The following KCNIP4 variants were observed in gnomAD, a reference collection of about 807,000 sequenced individuals.
The protein encoded by KCNIP4 is potassium voltage-gated channel interacting protein 4.
In KCNIP4, 12 loss-of-function variants were observed where a neutral mutation model predicts 34.0. The ratio of observed to expected loss-of-function variants is 0.35; its 90% CI spans 0.23 to 0.57. The LOEUF (loss-of-function observed/expected upper bound fraction) is 0.57. Ranked by LOEUF, KCNIP4 falls within the 20% of genes least tolerant of loss-of-function variation. The pLI, the probability that KCNIP4 is intolerant of heterozygous loss-of-function variation, is 0.83. For synonymous variants in KCNIP4, 124 were observed against 102.2 expected (o/e 1.21, Z -1.29); for missense variants, 238 against 311.7 (o/e 0.76, Z 1.78).
At chr4:21,933,828 C>T (rs114662742) in intron 1 of KCNIP4, among the ~76,000 whole-genome samples, 3,258 of 152,150 alleles carry the variant, frequency 0.021, 126 homozygotes, top group African/African-American at 0.074. Flanking sequence ...TATTTGACTG[C>T]TGTTTTATCA....
At chr4:20,738,992 A>G (rs1169818843) in intron 5 of KCNIP4, among the ~76,000 whole-genome samples, 1 of 152,186 alleles carries the variant, frequency 6.6e-6, no homozygotes, top group African/African-American at 2.4e-5. Flanking sequence ...GCTCACTGCT[A>G]TCACAGAAGT....
chr4:21,847,108 C>T (rs1388874733), intron 1 of KCNIP4: 1 of 152,134 alleles, frequency 6.6e-6, no homozygotes, highest in Non-Finnish European at 1.5e-5. Context: ...GCAAAATCCA[C>T]AGGTCCTGAT....
chr4:20,786,619 G>A (rs1252508352), intron 3 of KCNIP4, among the ~76,000 whole-genome samples: 5 of 151,918 alleles, frequency 3.3e-5, no homozygotes, highest in African/African-American at 1.2e-4. Flanking sequence ...AACTTACCTG[G>A]GTAATTTCTG....
At chr4:21,679,308 A>G (rs964798128) in intron 1 of KCNIP4, among the ~76,000 whole-genome samples, 6 of 152,152 alleles carry the variant, frequency 3.9e-5, no homozygotes, top group Admixed American at 3.3e-4. Context: ...CTGGCTTAGT[A>G]TGTGTATTAT....
intron 1 of KCNIP4, among the ~76,000 whole-genome samples, chr4:21,524,170 C>A (rs908372651): frequency 6.6e-6 from 1 of 152,068 alleles, no homozygotes; most frequent in African/African-American, 2.4e-5. Flanking sequence ...TCTCTGCTCA[C>A]TCCTATTTTC....
At chr4:21,364,398 T>C (rs1719517555) in intron 1 of KCNIP4, among the ~76,000 whole-genome samples, 1 of 152,096 alleles carries the variant, frequency 6.6e-6, no homozygotes, top group African/African-American at 2.4e-5. Context: ...AATACTATTA[T>C]ATAACATCAT....
chr4:21,085,137 T>C (rs2109028397), intron 1 of KCNIP4, among the ~76,000 whole-genome samples: 1 of 151,918 alleles, frequency 6.6e-6, no homozygotes, highest in East Asian at 1.9e-4. Context: ...TATGTGGAGG[T>C]GGGATCTTTG....
In KCNIP4 at chr4:21,234,450, ATT is replaced by A. The variant is rs1560199490; in HGVS notation, c.62-351743_62-351742del. Among the ~76,000 whole-genome samples the A allele has an allele frequency of 4.3e-4, 56 of 129,766 alleles. 18 individuals carry two copies. Among genetic ancestry groups the A allele is most frequent in the East Asian group, 8.6e-4 (4 of 4,674 alleles). 85.1% of individuals were successfully genotyped at this position (129,766 alleles called of 152,430 possible). A position where few individuals can be genotyped will look rare whatever the true frequency, so the allele number is the denominator to read the frequency against. ...ATTACATATAACGTATATAATATAT[ATT>A]ACATATAACGTATATAATATATAGT... is the stretch of plus-strand genomic sequence containing the variant. On this transcript the variant is annotated intron_variant, in intron 1 of 8. Transcript: ENST00000382152.
chr4:21,833,131 G>A (rs1723100842), intron 1 of KCNIP4, among the ~76,000 whole-genome samples: 1 of 151,168 alleles, frequency 6.6e-6, no homozygotes, highest in African/African-American at 2.4e-5. Flanking sequence ...GGGTCAAATG[G>A]TATTTCTAGT....
At chr4:21,865,672 C>T (rs763164654) in intron 1 of KCNIP4, among the ~76,000 whole-genome samples, 1 of 151,782 alleles carries the variant, frequency 6.6e-6, no homozygotes. Context: ...CCTCTGGAGT[C>T]GCTGGGATTA....
chr4:21,327,797 ACTAATTC>A (rs1415795427), intron 1 of KCNIP4, among the ~76,000 whole-genome samples: 1 of 151,750 alleles, frequency 6.6e-6, no homozygotes, highest in Non-Finnish European at 1.5e-5. Context: ...CTTCAAGCTC[ACTAATTC>A]TTTCTTCTGC....
At chr4:21,117,368 G>A (rs1442732315) in intron 1 of KCNIP4, among the ~76,000 whole-genome samples, 2 of 140,548 alleles carry the variant, frequency 1.4e-5, no homozygotes, top group Non-Finnish European at 3.0e-5. Flanking sequence ...CAGGTCTACA[G>A]ACCAAGTTAT....
chr4:21,556,995 T>C lies in KCNIP4; in HGVS notation c.61+391576A>G, dbSNP rs192930558. ...CGTTACTTAAAGCTATATAAAAATG[T>C]TGTTAAAGAAAATGCTGAGTTAAAC... On this transcript the variant is annotated intron_variant, in intron 1 of 8. Transcript: ENST00000382152. 2.2e-3 allele frequency among the ~76,000 whole-genome samples: 333 copies of C among 151,078 alleles called. 2 individuals are homozygous for C. Among genetic ancestry groups the C allele is most frequent in the Non-Finnish European group, 5.6e-4 (38 of 67,868 alleles).
intron 1 of KCNIP4, among the ~76,000 whole-genome samples, chr4:21,695,197 A>G (rs1447077284): frequency 6.6e-6 from 1 of 152,138 alleles, no homozygotes; most frequent in Non-Finnish European, 1.5e-5. Context: ...TGAATGGTGT[A>G]TATTATCACA....
chr4:21,304,869 A>G (rs1259157208), intron 1 of KCNIP4, among the ~76,000 whole-genome samples: 2 of 152,144 alleles, frequency 1.3e-5, no homozygotes, highest in Non-Finnish European at 2.9e-5. Flanking sequence ...GCACTACTTC[A>G]TACCATTCAA....
intron 1 of KCNIP4, among the ~76,000 whole-genome samples, chr4:20,911,964 A>G (rs942700699): frequency 1.3e-5 from 2 of 152,202 alleles, no homozygotes; most frequent in Non-Finnish European, 2.9e-5. Flanking sequence ...TTTTTAATCC[A>G]GCTCACAGTG....
chr4:21,645,595 A>G (rs755942511), intron 1 of KCNIP4, among the ~76,000 whole-genome samples: 1 of 152,154 alleles, frequency 6.6e-6, no homozygotes, highest in Non-Finnish European at 1.5e-5. Context: ...ATTGGGATCA[A>G]TACCACTATT....
chr4:20,968,610 A>C (rs1017526441), intron 1 of KCNIP4, among the ~76,000 whole-genome samples: 1 of 152,122 alleles, frequency 6.6e-6, no homozygotes, highest in African/African-American at 2.4e-5. Flanking sequence ...AAAAAGGATG[A>C]GTTCATGTCC....
intron 1 of KCNIP4, among the ~76,000 whole-genome samples, chr4:20,917,554 C>A (rs181188683): frequency 6.6e-6 from 1 of 152,112 alleles, no homozygotes; most frequent in Non-Finnish European, 1.5e-5. Flanking sequence ...CATTCCATAA[C>A]CTCAAATGAG....
Sources: allele counts gnomAD v4.1 joint callset (sites outside exome capture counted in the v4.1 genomes callset), GRCh38; gene constraint gnomAD v4.1.1; transcripts MANE v1.5; gene names NCBI Gene and HGNC (gene_info 2026-07-23, HGNC 2026-07-21).